TOP2A: variants seen among roughly 807,000 people sequenced by gnomAD.
TOP2A encodes DNA topoisomerase II alpha.
TOP2A carries 68 observed loss-of-function variants against 187.2 expected under a neutral mutation model. The observed-to-expected ratio is 0.36, with a 90% CI of 0.30 to 0.44. The LOEUF (loss-of-function observed/expected upper bound fraction) is 0.44, where lower values mean the gene tolerates loss of function less well. Ranked by LOEUF, TOP2A falls within the 20% of genes least tolerant of loss-of-function variation. The pLI, the probability that TOP2A is intolerant of heterozygous loss-of-function variation, is 1.00. For missense variants in TOP2A, 1,196 were observed against 1,808.7 expected, an observed-to-expected ratio of 0.66 and a Z score of 6.14; for synonymous variants, 542 against 593.2, an observed-to-expected ratio of 0.91 and a Z score of 1.25.
At chr17:40,413,721 T>C (rs1598619914) in intron 4 of TOP2A, 96 bp from the exon 5 acceptor site, 1 of 672,984 alleles carries the variant, frequency 1.5e-6, no homozygotes, top group East Asian at 3.3e-5. Context: ...AAAATATGTA[T>C]ATTCAGGCTG....
At position 40,403,084 on chromosome 17, in the gene TOP2A, A is replaced by C. The variant is rs114500637; in HGVS notation, c.2284-30T>G. On this transcript the variant is annotated intron_variant, in intron 19 of 34. Coordinates refer to ENST00000423485, the MANE Select transcript of TOP2A (RefSeq NM_001067.4). ...GGGGAAAAAAAGATTCATTAAGCTG[A>C]GGCTTTTACTAATACAAATACATTA... is the stretch of plus-strand genomic sequence containing the variant. 7.9e-4 allele frequency: 1,241 copies of C among 1,567,196 alleles called. 10 individuals are homozygous for C. The African/African-American group carries it at 0.014, about 18-fold the overall frequency.
chr17:40,408,640 A>T lies in TOP2A; in HGVS notation c.1204-10T>A. 1 of 1,613,596 alleles carries T rather than the reference A, an allele frequency of 6.2e-7. No individual in the cohort carries two copies. The highest frequency in any genetic ancestry group is 8.5e-7 in the Non-Finnish European group (1 of 1,179,610). ...TACCACAGCCAATGGCCTGAAAACG[A>T]GAAGATTCATATTAGGGATCATATT... On this transcript the variant is annotated splice_polypyrimidine_tract_variant and intron_variant, in intron 10 of 34. Transcript: ENST00000423485.
At chr17:40,406,732 T>C (rs754011912) in intron 14 of TOP2A, 43 bp from the exon 15 acceptor site, 11 of 1,582,784 alleles carry the variant, frequency 6.9e-6, no homozygotes, top group Non-Finnish European at 9.5e-6. Flanking sequence ...CACTGTGGGG[T>C]CCCCTGTATA....
intron 15 of TOP2A, 38 bp downstream of exon 15, chr17:40,406,546 A>G (rs1418364960): frequency 1.2e-6 from 2 of 1,605,942 alleles, no homozygotes; most frequent in South Asian, 2.2e-5. Context: ...CAGGGTGTAT[A>G]ATAAAATGAG....
At chr17:40,406,116 G>A (rs1401729928) in intron 16 of TOP2A, among the ~76,000 whole-genome samples, 1 of 152,012 alleles carries the variant, frequency 6.6e-6, no homozygotes, top group Non-Finnish European at 1.5e-5. Flanking sequence ...GGACAGGTTG[G>A]TCTCCAACTC....
chr17:40,408,884 G>A (rs1476828889), intron 10 of TOP2A: 1 of 589,630 alleles, frequency 1.7e-6, no homozygotes, highest in Admixed American at 2.1e-5. Context: ...TGAGCTACTT[G>A]TTGGAGATAT....
chr17:40,407,635 C>T lies in TOP2A; in HGVS notation c.1540G>A (p.Val514Met). ...NAEINNIIKI[V>M]GLQYKKNYED... is the part of the protein sequence containing the mutation. ...TAGTTTTTCTTGTACTGAAGACCCACAATCTTGATGATATTGTTAATCTCA... is the reference window on the plus strand; with the variant it reads ...TAGTTTTTCTTGTACTGAAGACCCATAATCTTGATGATATTGTTAATCTCA... Residue 514 changes from valine to methionine, a missense_variant, in exon 13 of 35, where the codon GTG becomes ATG. Val to Met is a conservative substitution (Grantham distance 21). Transcript: ENST00000423485. 6.3e-7 allele frequency: 1 copy of T among 1,591,802 alleles called. No homozygotes were observed. Among genetic ancestry groups the T allele is most frequent in the South Asian group, 1.2e-5 (1 of 85,944 alleles).
intron 2 of TOP2A, 94 bp from the exon 3 acceptor site, chr17:40,416,606 A>G (rs2143696485): frequency 1.4e-6 from 2 of 1,423,360 alleles, no homozygotes; most frequent in East Asian, 2.3e-5. Flanking sequence ...AAGTATTACC[A>G]TATTTAGGCC....
rs1327081154 is a variant in TOP2A, at chr17:40,396,394, T to C, written c.3609A>G (p.Lys1203=). 6 of 1,613,940 alleles carry C rather than the reference T, an allele frequency of 3.7e-6. No homozygotes were observed. The highest frequency in any genetic ancestry group is 2.2e-5 in the East Asian group (1 of 44,902). Reference sequence around the variant, plus strand: ...GCAAAACTTCAGCCATTTGTGTTTTTTTCCCCTTGGCCTTCCCCCCTTTCC... The same window carrying C: ...GCAAAACTTCAGCCATTTGTGTTTTCTTCCCCTTGGCCTTCCCCCCTTTCC... ...LPGKGGKAKG[K]KTQMAEVLPS... Residue 1203 remains lysine (K), a synonymous_variant, in exon 28 of 35, where the codon AAA becomes AAG. Transcript: ENST00000423485.
At chr17:40,414,090 A>G (rs2035359639) in intron 4 of TOP2A, among the ~76,000 whole-genome samples, 1 of 152,192 alleles carries the variant, frequency 6.6e-6, no homozygotes, top group South Asian at 2.1e-4. Flanking sequence ...CTGAATAGAC[A>G]CTGATAATGT....
chr17:40,389,696 T>A, intron 34 of TOP2A, 49 bp from the exon 35 acceptor site: 1 of 1,575,878 alleles, frequency 6.3e-7, no homozygotes, highest in Non-Finnish European at 8.6e-7. Context: ...TCTGACAACA[T>A]AATTGTAATG....
At position 40,416,465 on chromosome 17, in the gene TOP2A, G is replaced by T; in HGVS notation, c.225C>A (p.Val75=). The T allele has an allele frequency of 1.2e-6, 2 of 1,604,598 alleles. No homozygotes were observed. The highest frequency in any genetic ancestry group is 2.2e-5 in the South Asian group (2 of 89,460). ...TTTTGTACAAACCAGGAACAAAAGT[G>T]ACTTCCCTATAGTTAATGCCAACAT... ...DEDVGINYRE[V]TFVPGLYKIF... The change falls in exon 3 of 35, where the codon GTC becomes GTA. Residue 75 remains valine, a synonymous_variant. Coordinates refer to ENST00000423485, the MANE Select transcript of TOP2A (RefSeq NM_001067.4).
intron 29 of TOP2A, among the ~76,000 whole-genome samples, chr17:40,394,570 T>C (rs1238460923): frequency 6.6e-6 from 1 of 152,146 alleles, no homozygotes; most frequent in Admixed American, 6.5e-5. Flanking sequence ...TGACCTCAAG[T>C]GATCCGCCAG....
chr17:40,410,818 T>C, intron 10 of TOP2A: 1 of 420,706 alleles, frequency 2.4e-6, no homozygotes, highest in South Asian at 2.1e-5. Context: ...TTTGGATGTG[T>C]TGACTGAAAG....
chr17:40,399,389 G>A, intron 24 of TOP2A: 1 of 421,554 alleles, frequency 2.4e-6, no homozygotes, highest in East Asian at 4.6e-5. Flanking sequence ...TGTCCAGGCT[G>A]GAGTGCAGTG....
intron 27 of TOP2A, among the ~76,000 whole-genome samples, chr17:40,397,134 C>G (rs542830727): frequency 1.3e-5 from 2 of 152,180 alleles, no homozygotes; most frequent in African/African-American, 2.4e-5. Context: ...ATCCTCCTGC[C>G]TCAGCCTCCC....
chr17:40,407,932 T>G, intron 12 of TOP2A, 35 bp downstream of exon 12: 3 of 1,565,478 alleles, frequency 1.9e-6, no homozygotes, highest in Non-Finnish European at 2.6e-6. Context: ...TATTATAAAT[T>G]AGATTTAGAT....
At chr17:40,406,327 T>C (rs1393694177) in intron 16 of TOP2A, 57 bp downstream of exon 16, 1 of 1,268,308 alleles carries the variant, frequency 7.9e-7, no homozygotes. Flanking sequence ...ATGTTTCAAC[T>C]GGCTAAAGTA....
At chr17:40,408,681 T>G (rs1290242855) in intron 10 of TOP2A, 51 bp from the exon 11 acceptor site, 6 of 1,571,348 alleles carry the variant, frequency 3.8e-6, no homozygotes, top group Non-Finnish European at 4.4e-6. Context: ...AGAAGGGATC[T>G]ATCAGAAATC....
Sources: allele counts gnomAD v4.1 joint callset (sites outside exome capture counted in the v4.1 genomes callset), GRCh38; gene constraint gnomAD v4.1.1; transcripts MANE v1.5; gene names NCBI Gene and HGNC (gene_info 2026-07-23, HGNC 2026-07-21).